The following CDR2 variants were observed in gnomAD, a reference collection of about 807,000 sequenced individuals.
The protein encoded by CDR2 is cerebellar degeneration-related protein 2.
Under a neutral mutation model 48.4 loss-of-function variants are expected in CDR2, and 34 were observed. The ratio of observed to expected loss-of-function variants is 0.70; its 90% confidence interval spans 0.53 to 0.94. The LOEUF (loss-of-function observed/expected upper bound fraction) is 0.94, where lower values mean the gene tolerates loss of function less well. Among genes scored for constraint, CDR2 ranks in the 40% least tolerant of loss-of-function variants. The pLI is 0.00. For synonymous variants in CDR2, 240 were observed against 219.7 expected (o/e 1.09, Z -0.82); for missense variants, 498 against 549.5 (o/e 0.91, Z 0.94).
chr16:22,349,036 T>C (rs2048924503), intron 4 of CDR2: 1 of 374,958 alleles, frequency 2.7e-6, no homozygotes, highest in Non-Finnish European at 4.8e-6. Context: ...TCAGAATTCA[T>C]CTTAAACTAT....
At chr16:22,354,744 ATTAG>A (rs1012084309) in intron 2 of CDR2, among the ~76,000 whole-genome samples, 4 of 151,174 alleles carry the variant, frequency 2.6e-5, no homozygotes, top group African/African-American at 4.9e-5. Context: ...AAAAAAAAAA[ATTAG>A]TTAGGCATGG....
chr16:22,371,533 C>T (rs956343927), intron 1 of CDR2, among the ~76,000 whole-genome samples: 2 of 152,222 alleles, frequency 1.3e-5, no homozygotes, highest in Admixed American at 6.5e-5. Context: ...GCTGTGGCCC[C>T]AGGGCCCAGG....
intron 2 of CDR2, among the ~76,000 whole-genome samples, chr16:22,353,604 A>G (rs1179143364): frequency 6.6e-6 from 1 of 152,216 alleles, no homozygotes; most frequent in Non-Finnish European, 1.5e-5. Flanking sequence ...GCCAGAAGAC[A>G]GCACCAGAGG....
At chr16:22,352,269 T>C (rs762904036) in intron 2 of CDR2, among the ~76,000 whole-genome samples, 37 of 152,196 alleles carry the variant, frequency 2.4e-4, no homozygotes, top group Admixed American at 5.2e-4. Context: ...CACACTCTTC[T>C]TGAGGCTTTT....
intron 1 of CDR2, among the ~76,000 whole-genome samples, chr16:22,369,446 T>C (rs565155823): frequency 6.6e-6 from 1 of 152,292 alleles, no homozygotes; most frequent in Admixed American, 6.5e-5. Flanking sequence ...CAGAAAGAGA[T>C]ACCAAGGACA....
intron 2 of CDR2, among the ~76,000 whole-genome samples, chr16:22,361,626 C>T (rs1023290329): frequency 6.6e-6 from 1 of 152,190 alleles, no homozygotes; most frequent in African/African-American, 2.4e-5. Context: ...GCCATCTCAT[C>T]TCCCCTACTG....
chr16:22,349,141 T>C, intron 4 of CDR2, 138 bp downstream of exon 4: 1 of 827,206 alleles, frequency 1.2e-6, no homozygotes, highest in Non-Finnish European at 1.9e-6. Context: ...TATGTTTAAG[T>C]GATTTTGTTC....
chr16:22,349,929 C>G, intron 2 of CDR2, 80 bp from the exon 3 acceptor site: 1 of 1,370,866 alleles, frequency 7.3e-7, no homozygotes. Flanking sequence ...TGGCTCACGC[C>G]TGTAATCCCA....
rs771357360 is a variant in CDR2, at chr16:22,347,028, C to G, written c.1302G>C (p.Lys434Asn). The change falls in exon 5 of 5, where the codon AAG becomes AAC. Residue 434 changes from lysine to asparagine, a missense_variant. Lys to Asn is a moderately conservative substitution (Grantham distance 94, BLOSUM62 0). Coordinates refer to ENST00000268383, the MANE Select transcript of CDR2 (RefSeq NM_001802.2). ...ALFKEIFSCIKKTKQEIDEQR... is the reference protein window; with the variant it reads ...ALFKEIFSCINKTKQEIDEQR... ...GTTCATCTATTTCCTGCTTAGTTTT[C>G]TTGATGCAACTAAAGATCTCCTTAA... 65 of 1,613,946 alleles carry G rather than the reference C, an allele frequency of 4.0e-5. No homozygotes were observed. The highest frequency in any genetic ancestry group is 5.3e-5 in the Non-Finnish European group (62 of 1,179,918).
chr16:22,355,878 C>T (rs2141846474), intron 2 of CDR2, among the ~76,000 whole-genome samples: 1 of 152,266 alleles, frequency 6.6e-6, no homozygotes, highest in African/African-American at 2.4e-5. Flanking sequence ...TGTTGCCCAA[C>T]TTTAGAATCT....
chr16:22,361,525 T>G (rs1221035408), intron 2 of CDR2, among the ~76,000 whole-genome samples: 1 of 152,224 alleles, frequency 6.6e-6, no homozygotes, highest in Non-Finnish European at 1.5e-5. Flanking sequence ...CATCGTGATC[T>G]CTACATCTGC....
At chr16:22,360,713 A>ATAT in intron 2 of CDR2, among the ~76,000 whole-genome samples, 1 of 107,326 alleles carries the variant, frequency 9.3e-6, no homozygotes, top group East Asian at 2.5e-4. Flanking sequence ...CTTCAACTAT[A>ATAT]TATTTTTCTG....
intron 2 of CDR2, among the ~76,000 whole-genome samples, chr16:22,363,753 G>A (rs867465971): frequency 6.6e-6 from 1 of 152,146 alleles, no homozygotes; most frequent in Non-Finnish European, 1.5e-5. Flanking sequence ...GTTGGGACAT[G>A]GAGAAAGGTG....
Position 22,349,362 on chromosome 16 carries a change from T to G in CDR2, c.423A>C (p.Gln141His). 3.7e-6 allele frequency: 6 copies of G among 1,614,196 alleles called. No individual in the cohort carries two copies. Among genetic ancestry groups the G allele is most frequent in the Non-Finnish European group, 5.1e-6 (6 of 1,180,040 alleles). Residue 141 changes from glutamine to histidine, a missense_variant, in exon 4 of 5, where the codon CAA (glutamine) becomes CAC (histidine). Physicochemically the swap from Gln to His is conservative, Grantham distance 24. Coordinates refer to ENST00000268383, the MANE Select transcript of CDR2 (RefSeq NM_001802.2). ...CACACTTTCCCGGGCTCCTTCTCCC[T>G]TGGCCAGATGACTTCAGCTCCTCCA... ...SQVEELKSSG[Q>H]GRRSPGKCDQ...
chr16:22,368,566 G>C (rs1261134757), intron 1 of CDR2, among the ~76,000 whole-genome samples: 1 of 152,174 alleles, frequency 6.6e-6, no homozygotes, highest in East Asian at 1.9e-4. Context: ...ATTTAGTCCA[G>C]TTTCTCAGAT....
At chr16:22,362,259 C>T (rs775657128) in intron 2 of CDR2, among the ~76,000 whole-genome samples, 29 of 152,234 alleles carry the variant, frequency 1.9e-4, no homozygotes, top group Admixed American at 5.2e-4. Flanking sequence ...TTCCATGACG[C>T]TTTGCAATAT....
chr16:22,360,549 TA>T (rs1598294308), intron 2 of CDR2, among the ~76,000 whole-genome samples: 1 of 152,188 alleles, frequency 6.6e-6, no homozygotes, highest in East Asian at 1.9e-4. Context: ...TCTATTTCCA[TA>T]ATAAGTCAGA....
intron 2 of CDR2, among the ~76,000 whole-genome samples, chr16:22,351,256 C>T (rs368109599): frequency 2.6e-5 from 4 of 152,334 alleles, no homozygotes; most frequent in East Asian, 1.9e-4. Flanking sequence ...TTAATCCAGT[C>T]TATCAACTGA....
In CDR2 at chr16:22,346,467, C is replaced by A. The variant is rs1156411413; in HGVS notation, c.*498G>T. The stretch of plus-strand genomic sequence containing the variant: ...CTTGGAGTATTGGTTAATGACATTT[C>A]TTTTGGATTAGACCCCTGCTTTCTC... On this transcript the variant is annotated 3_prime_UTR_variant, in exon 5 of 5. Coordinates refer to ENST00000268383, the MANE Select transcript of CDR2 (RefSeq NM_001802.2). The A allele has an allele frequency of 6.4e-6, 1 of 156,200 alleles. No homozygotes were observed. The highest frequency in any genetic ancestry group is 1.4e-5 in the Non-Finnish European group (1 of 70,178). 9.7% of individuals were successfully genotyped at this position (156,200 alleles called of 1,614,324 possible).
Sources: allele counts gnomAD v4.1 joint callset (sites outside exome capture counted in the v4.1 genomes callset), GRCh38; gene constraint gnomAD v4.1.1; transcripts MANE v1.5; gene names NCBI Gene and HGNC (gene_info 2026-07-23, HGNC 2026-07-21).